Variants in MPHOSPH9 observed in about 807,000 individuals in gnomAD.
MPHOSPH9 encodes M-phase phosphoprotein 9.
In MPHOSPH9, 88 loss-of-function variants were observed where a neutral mutation model predicts 145.5. The ratio of observed to expected loss-of-function variants is 0.60; its 90% CI spans 0.51 to 0.72. The LOEUF is 0.72. Ranked by LOEUF, MPHOSPH9 falls within the 30% of genes least tolerant of loss-of-function variation. The pLI is 0.00. For missense variants in MPHOSPH9, 1,238 were observed against 1,386.6 expected, an observed-to-expected ratio of 0.89 and a Z score of 1.70; for synonymous variants, 435 against 486.2, an observed-to-expected ratio of 0.89 and a Z score of 1.39.
chr12:123,238,832 A>T (rs2047889093), intron 1 of MPHOSPH9, among the ~76,000 whole-genome samples: 1 of 152,134 alleles, frequency 6.6e-6, no homozygotes, highest in Non-Finnish European at 1.5e-5. Context: ...TATGTGGACC[A>T]CACTTTGGGT....
downstream of MPHOSPH9, chr12:123,152,984 GGTGCAGA>G (rs1401974296): frequency 6.4e-6 from 1 of 156,950 alleles, no homozygotes; most frequent in Non-Finnish European, 1.4e-5. Context: ...TACATATGTA[GGTGCAGA>G]GTTCAGATTT....
At chr12:123,201,945 G>T (rs745613029) in intron 11 of MPHOSPH9, among the ~76,000 whole-genome samples, 1 of 152,024 alleles carries the variant, frequency 6.6e-6, no homozygotes, top group Middle Eastern at 3.2e-3. Context: ...TACAAAATTC[G>T]CTCAACTGTT....
intron 16 of MPHOSPH9, among the ~76,000 whole-genome samples, chr12:123,171,415 T>G (rs990604085): frequency 1.3e-5 from 2 of 151,162 alleles, no homozygotes; most frequent in African/African-American, 4.9e-5. Context: ...ATTGTGCCAT[T>G]GCACTCCAGC....
Position 123,161,375 on chromosome 12 carries a change from A to G in MPHOSPH9, c.3142T>C (p.Tyr1048His). Reference sequence around the variant, plus strand: ...TGGTTATCGGTGGCTTTCTCAGAATAAGTTTTTTCTGTCAGAGAGGAGAGA... The same window carrying G: ...TGGTTATCGGTGGCTTTCTCAGAATGAGTTTTTTCTGTCAGAGAGGAGAGA... The part of the protein sequence containing the change: ...LPLDDSEEKT[Y>H]SEKATDNHVN... The change falls in exon 22 of 24, where the codon TAT becomes CAT. Residue 1048 changes from tyrosine to histidine, a missense_variant. Tyr to His is a moderately conservative substitution (Grantham distance 83). Around this residue, in one of 3 missense-constraint regions of MPHOSPH9, gnomAD observed 393 missense variants for 462.5 expected, o/e 0.85. Transcript: ENST00000606320. The G allele has an allele frequency of 6.2e-7, 1 of 1,614,008 alleles. No individual in the cohort carries two copies. Among genetic ancestry groups the G allele is most frequent in the Non-Finnish European group, 8.5e-7 (1 of 1,179,958 alleles).
intron 1 of MPHOSPH9, among the ~76,000 whole-genome samples, chr12:123,232,302 T>C (rs1274535433): frequency 6.6e-6 from 1 of 151,856 alleles, no homozygotes; most frequent in African/African-American, 2.4e-5. Flanking sequence ...GCTTCTCCAT[T>C]TGGGGTGGAG....
chr12:123,220,754 C>T lies in MPHOSPH9; in HGVS notation c.872+618G>A, dbSNP rs1457536485. 3.3e-5 allele frequency among the ~76,000 whole-genome samples: 5 copies of T among 151,300 alleles called. No individual in the cohort carries two copies. The East Asian group carries it at 9.9e-4, about 30-fold the overall frequency. ...TTGGGCAACAAAGCAAGACCCCCAC[C>T]TTTAAGAAAAAAAAATTGTGGCTGG... On this transcript the variant is annotated intron_variant, in intron 5 of 23. Transcript: ENST00000606320.
At chr12:123,187,630 C>T (rs1475323002) in intron 13 of MPHOSPH9, among the ~76,000 whole-genome samples, 1 of 152,134 alleles carries the variant, frequency 6.6e-6, no homozygotes, top group African/African-American at 2.4e-5. Context: ...TAATAATTTA[C>T]ATGATGTGGT....
intron 2 of MPHOSPH9, among the ~76,000 whole-genome samples, chr12:123,229,607 T>A (rs754480338): frequency 4.6e-5 from 7 of 152,136 alleles, no homozygotes; most frequent in Non-Finnish European, 8.8e-5. Flanking sequence ...ATTGTCCCAA[T>A]CATTTAAAAA....
chr12:123,229,826 T>C (rs1481014359), intron 2 of MPHOSPH9, among the ~76,000 whole-genome samples: 2 of 150,482 alleles, frequency 1.3e-5, no homozygotes, highest in African/African-American at 4.9e-5. Flanking sequence ...CGAACATTTT[T>C]TTTTTTTTTT....
chr12:123,181,116 G>A (rs757236335), intron 14 of MPHOSPH9, 47 bp downstream of exon 14: 65 of 1,534,858 alleles, frequency 4.2e-5, no homozygotes, highest in Non-Finnish European at 5.8e-5. Context: ...CCAATCCAAT[G>A]TTTCTGCCTC....
At chr12:123,168,994 A>C (rs1277069768) in intron 16 of MPHOSPH9, among the ~76,000 whole-genome samples, 5 of 149,256 alleles carry the variant, frequency 3.3e-5, no homozygotes, top group Non-Finnish European at 5.9e-5. Context: ...ACACCATTCT[A>C]CTGCTTCAGA....
intron 13 of MPHOSPH9, among the ~76,000 whole-genome samples, chr12:123,192,193 C>G (rs1244679432): frequency 2.0e-5 from 3 of 152,098 alleles, no homozygotes; most frequent in Non-Finnish European, 4.4e-5. Flanking sequence ...GCCTGTAATC[C>G]CTGTAATCCC....
Position 123,210,040 on chromosome 12 carries a change from T to C in MPHOSPH9, c.1194+16A>G, listed in dbSNP as rs1421048397. On this transcript the variant is annotated intron_variant, in intron 8 of 23. Coordinates refer to ENST00000606320, the MANE Select transcript of MPHOSPH9 (RefSeq NM_022782.4). ...CGTAAGCCACCGCGCCCGGCCACCG[T>C]GTGTTTTTAAATTACCTGGTTTGGT... 2 of 1,584,594 alleles carry C rather than the reference T, an allele frequency of 1.3e-6. No individual in the cohort carries two copies. The highest frequency in any genetic ancestry group is 1.7e-6 in the Non-Finnish European group (2 of 1,160,666).
At chr12:123,228,559 G>A (rs1279608543) in intron 2 of MPHOSPH9, among the ~76,000 whole-genome samples, 5 of 151,976 alleles carry the variant, frequency 3.3e-5, no homozygotes, top group Non-Finnish European at 1.5e-5. Context: ...GTGGTAGTGC[G>A]TGCCTGTAGT....
chr12:123,218,527 CTTTT>C, intron 5 of MPHOSPH9, 28 bp from the exon 6 acceptor site: 2 of 1,117,194 alleles, frequency 1.8e-6, no homozygotes, highest in Non-Finnish European at 2.5e-6. Flanking sequence ...ACCAAAATTA[CTTTT>C]TTTTTTTGTT....
intron 12 of MPHOSPH9, among the ~76,000 whole-genome samples, chr12:123,196,293 T>G (rs1378249577): frequency 2.0e-5 from 3 of 151,916 alleles, no homozygotes; most frequent in Non-Finnish European, 2.9e-5. Context: ...GAGGTTGCAG[T>G]GAGCCAAGAT....
chr12:123,199,150 C>G (rs940169160), intron 11 of MPHOSPH9, among the ~76,000 whole-genome samples: 1 of 152,028 alleles, frequency 6.6e-6, no homozygotes. Context: ...CCACCACACA[C>G]AGCTAATTTG....
At chr12:123,167,916 G>A (rs2044384985) in intron 16 of MPHOSPH9, among the ~76,000 whole-genome samples, 1 of 152,100 alleles carries the variant, frequency 6.6e-6, no homozygotes, top group African/African-American at 2.4e-5. Context: ...CTCCAGTGAG[G>A]TGACCCTCTA....
intron 13 of MPHOSPH9, among the ~76,000 whole-genome samples, chr12:123,193,096 A>ATAT (rs1326264595): frequency 3.4e-5 from 3 of 87,228 alleles, no homozygotes; most frequent in South Asian, 4.3e-4. Context: ...AAAAAAAAAA[A>ATAT]ATATATATAT....
Sources: allele counts gnomAD v4.1 joint callset (sites outside exome capture counted in the v4.1 genomes callset), GRCh38; gene constraint gnomAD v4.1.1; regional missense constraint gnomAD v4.1.1; transcripts MANE v1.5; gene names NCBI Gene and HGNC (gene_info 2026-07-23, HGNC 2026-07-21).